Variants in SIN3A observed in about 807,000 individuals in gnomAD.
SIN3A encodes paired amphipathic helix protein Sin3a.
A neutral mutation model predicts 146.1 loss-of-function variants in SIN3A; 14 were observed. The observed-to-expected ratio is 0.10, with a 90% CI of 0.06 to 0.15. The LOEUF is 0.15. SIN3A is among the 10% of genes least tolerant of loss of function. The pLI is 1.00. For synonymous variants in SIN3A, 572 were observed against 572.0 expected (o/e 1.00, Z 0.00); for missense variants, 1,028 against 1,576.0 (o/e 0.65, Z 5.89).
chr15:75,374,621 TG>T (rs2141365563), intron 20 of SIN3A, among the ~76,000 whole-genome samples: 1 of 152,374 alleles, frequency 6.6e-6, no homozygotes, highest in South Asian at 2.1e-4. Flanking sequence ...GACAAAGTGA[TG>T]TGGCCTCTGC....
At chr15:75,386,745 T>C (rs1056823140) in intron 16 of SIN3A, among the ~76,000 whole-genome samples, 5 of 152,168 alleles carry the variant, frequency 3.3e-5, no homozygotes, top group Non-Finnish European at 5.9e-5. Context: ...TGGTCCTATT[T>C]TGAGTTCTGT....
intron 16 of SIN3A, among the ~76,000 whole-genome samples, chr15:75,387,626 C>A (rs1168369521): frequency 6.9e-6 from 1 of 145,854 alleles, no homozygotes; most frequent in African/African-American, 2.5e-5. Context: ...AAAATCATAA[C>A]CAGATACAGT....
intron 9 of SIN3A, among the ~76,000 whole-genome samples, chr15:75,402,467 G>A (rs779667831): frequency 2.0e-5 from 3 of 151,860 alleles, no homozygotes; most frequent in Non-Finnish European, 4.4e-5. Context: ...GCAGTGAGCT[G>A]GGATAATGCC....
intron 1 of SIN3A, among the ~76,000 whole-genome samples, chr15:75,444,085 G>A (rs911513837): frequency 3.9e-5 from 6 of 152,136 alleles, no homozygotes; most frequent in Non-Finnish European, 8.8e-5. Flanking sequence ...TCAATATACA[G>A]GAAAAATAAG....
At chr15:75,406,977 C>T (rs2073528531) in intron 9 of SIN3A, 78 bp downstream of exon 9, 10 of 1,053,976 alleles carry the variant, frequency 9.5e-6, no homozygotes, top group Non-Finnish European at 8.5e-6. Context: ...ACCTTTAAAA[C>T]GAAACCTTCC....
intron 19 of SIN3A, among the ~76,000 whole-genome samples, chr15:75,380,145 G>A (rs2072937743): frequency 6.6e-6 from 1 of 152,202 alleles, no homozygotes; most frequent in Admixed American, 6.5e-5. Context: ...CTAATGAGCT[G>A]CCCTGGTAGA....
chr15:75,424,496 C>T (rs2073892254), intron 2 of SIN3A, among the ~76,000 whole-genome samples: 1 of 152,034 alleles, frequency 6.6e-6, no homozygotes, highest in Admixed American at 6.6e-5. Flanking sequence ...TTTATTGAGA[C>T]AGGGTCCCGC....
chr15:75,418,429 G>T (rs950444623), intron 3 of SIN3A, among the ~76,000 whole-genome samples: 1 of 151,982 alleles, frequency 6.6e-6, no homozygotes. Context: ...GAGTTCAAGC[G>T]ATTCTCGTGC....
chr15:75,411,870 T>A, intron 5 of SIN3A, 127 bp from the exon 6 acceptor site: 1 of 953,304 alleles, frequency 1.0e-6, no homozygotes, highest in Non-Finnish European at 1.5e-6. Flanking sequence ...CAGGTCATTT[T>A]AGTCCAACAC....
intron 6 of SIN3A, 82 bp downstream of exon 6, chr15:75,411,410 A>G: frequency 7.5e-7 from 1 of 1,333,850 alleles, no homozygotes; most frequent in Non-Finnish European, 1.0e-6. Flanking sequence ...GAATTAATGG[A>G]CACAATAATG....
At chr15:75,433,322 A>G (rs1342253827) in intron 1 of SIN3A, among the ~76,000 whole-genome samples, 1 of 152,244 alleles carries the variant, frequency 6.6e-6, no homozygotes, top group African/African-American at 2.4e-5. Context: ...TTTATGAACC[A>G]GTCTATAAGG....
At chr15:75,396,575 G>A (rs959104227) in intron 12 of SIN3A, 79 bp from the exon 13 acceptor site, 2 of 1,058,556 alleles carry the variant, frequency 1.9e-6, no homozygotes, top group Non-Finnish European at 2.8e-6. Context: ...GAATAAGGTA[G>A]GGAGTCAAAC....
intron 1 of SIN3A, among the ~76,000 whole-genome samples, chr15:75,435,831 A>G (rs1272153710): frequency 1.3e-5 from 2 of 152,212 alleles, no homozygotes; most frequent in African/African-American, 2.4e-5. Flanking sequence ...ATTTGCATTG[A>G]AAGAAAAATG....
rs1398645942 is a variant in SIN3A at position 75,369,749 on chromosome 15, C to T, written c.*2230G>A. Reference sequence around the variant, plus strand: ...CCCTGATCACACCCCACCAATTTCCCCTATGGTTCCAGGTCAACATGACCT... The same window carrying T: ...CCCTGATCACACCCCACCAATTTCCTCTATGGTTCCAGGTCAACATGACCT... On this transcript the variant is annotated 3_prime_UTR_variant, in exon 21 of 21. Coordinates refer to ENST00000394947, the MANE Select transcript of SIN3A (RefSeq NM_001145358.2). 6.6e-6 allele frequency: 1 copy of T among 152,232 alleles called. No individual in the cohort carries two copies. Among genetic ancestry groups the T allele is most frequent in the Non-Finnish European group, 1.5e-5 (1 of 68,058 alleles). 9.4% of individuals were successfully genotyped at this position (152,232 alleles called of 1,614,324 possible). A position where few individuals can be genotyped will look rare whatever the true frequency, so the allele number is the denominator to read the frequency against.
intron 2 of SIN3A, among the ~76,000 whole-genome samples, chr15:75,426,503 G>T (rs1216017651): frequency 2.6e-5 from 4 of 152,178 alleles, no homozygotes; most frequent in South Asian, 4.1e-4. Flanking sequence ...ACATTTTTAA[G>T]GTCACTAACA....
rs145667799 is a variant in SIN3A, at chr15:75,384,393, G to A, written c.3066C>T (p.Asp1022=). 1.0e-4 allele frequency: 161 copies of A among 1,613,814 alleles called. No individual in the cohort carries two copies. Among genetic ancestry groups the A allele is most frequent in the Admixed American group, 5.5e-4 (33 of 59,998 alleles). Residue 1022 remains aspartate (D), a synonymous_variant, in exon 17 of 21, where the codon GAC becomes GAT. Transcript: ENST00000394947. The part of the protein sequence containing the change: ...VSDEICVQVT[D]LYLAENNNGA... ...CATTATTATTTTCTGCCAGGTAAAG[G>A]TCAGTCACCTGCACACAGATCTCAT...
intron 1 of SIN3A, among the ~76,000 whole-genome samples, chr15:75,448,642 A>AAACTCTTAC (rs1242111020): frequency 6.6e-6 from 1 of 152,228 alleles, no homozygotes; most frequent in African/African-American, 2.4e-5. Flanking sequence ...CAGAAAGTAA[A>AAACTCTTAC]GCTTAACAAA....
intron 1 of SIN3A, among the ~76,000 whole-genome samples, chr15:75,439,024 C>T (rs1320082874): frequency 6.6e-6 from 1 of 152,200 alleles, no homozygotes; most frequent in Non-Finnish European, 1.5e-5. Flanking sequence ...ACAACCAGCT[C>T]TTCTCAAAAG....
At chr15:75,389,586 T>TTGCGTGGCCCA in intron 16 of SIN3A, 66 bp downstream of exon 16, 1 of 1,530,716 alleles carries the variant, frequency 6.5e-7, no homozygotes, top group South Asian at 1.2e-5. Flanking sequence ...TTCCTTTTCC[T>TTGCGTGGCCCA]TGCGTGGCCC....
Sources: allele counts gnomAD v4.1 joint callset (sites outside exome capture counted in the v4.1 genomes callset), GRCh38; gene constraint gnomAD v4.1.1; transcripts MANE v1.5; gene names NCBI Gene and HGNC (gene_info 2026-07-23, HGNC 2026-07-21).